The following EFNB2 variants were observed in gnomAD, a reference collection of about 807,000 sequenced individuals.
The protein encoded by EFNB2 is ephrin-B2.
EFNB2 carries 5 observed loss-of-function variants against 32.1 expected under a neutral mutation model. The ratio of observed to expected loss-of-function variants is 0.16; its 90% CI spans 0.08 to 0.33. The LOEUF (loss-of-function observed/expected upper bound fraction) is 0.33. Among genes scored for constraint, EFNB2 ranks in the 10% least tolerant of loss-of-function variants. EFNB2 has a pLI of 1.00. For missense variants in EFNB2, 263 were observed against 422.6 expected, an observed-to-expected ratio of 0.62 and a Z score of 3.31; for synonymous variants, 168 against 166.5, an observed-to-expected ratio of 1.01 and a Z score of -0.07.
At chr13:106,495,653 A>G in intron 3 of EFNB2, 95 bp downstream of exon 3, 2 of 1,179,522 alleles carry the variant, frequency 1.7e-6, no homozygotes, top group Non-Finnish European at 2.4e-6. Context: ...TAAAAAGAAG[A>G]GCGAATGAAG....
Position 106,504,339 on chromosome 13 carries a change from C to T in EFNB2, c.406+8190G>A, listed in dbSNP as rs535018037. Reference sequence around the variant, plus strand: ...TAGGCGGTGGGACTTCACCAGCGACCGAATTAATGTCTGCTGACAGTTTAG... The same window carrying T: ...TAGGCGGTGGGACTTCACCAGCGACTGAATTAATGTCTGCTGACAGTTTAG... On this transcript the variant is annotated intron_variant, in intron 2 of 4. Transcript: ENST00000646441. Among the ~76,000 whole-genome samples, 3 of 152,194 alleles carry T rather than the reference C, an allele frequency of 2.0e-5. No individual in the cohort carries two copies. In the South Asian group the frequency reaches 6.2e-4, roughly 32 times the overall value.
At position 106,493,117 on chromosome 13, in the gene EFNB2, C is replaced by T. The variant is rs530509657; in HGVS notation, c.925G>A (p.Gly309Arg). The T allele has an allele frequency of 2.9e-5, 46 of 1,614,014 alleles. No individual in the cohort carries two copies. The highest frequency in any genetic ancestry group is 1.1e-4 in the South Asian group (10 of 91,086). ...ATGTACACCGGGTGCCCGTAGTCCCCGCTGACCTTCTCGTAGTGAGGGCAG... is the reference window on the plus strand; with the variant it reads ...ATGTACACCGGGTGCCCGTAGTCCCTGCTGACCTTCTCGTAGTGAGGGCAG... Reference protein sequence around the residue: ...VFCPHYEKVSGDYGHPVYIVQ... With the variant: ...VFCPHYEKVSRDYGHPVYIVQ... Residue 309 changes from glycine to arginine, a missense_variant, in exon 5 of 5, where the codon GGG (glycine) becomes AGG (arginine). By Grantham distance (125) the Gly-to-Arg change is moderately radical. Transcript: ENST00000646441. This position sits in a 1 kb window ranked among gnomAD's most constrained non-coding sequence, Gnocchi z 6.1.
intron 3 of EFNB2, 25 bp from the exon 4 acceptor site, chr13:106,495,019 T>TTGTGTAATTAA (rs1218051080): frequency 3.2e-6 from 5 of 1,572,136 alleles, no homozygotes; most frequent in Non-Finnish European, 3.5e-6. Context: ...AATGATTAAT[T>TTGTGTAATTAA]ACGGCACAGA....
At position 106,493,437 on chromosome 13, in the gene EFNB2, G is replaced by A. The variant is rs749951442; in HGVS notation, c.614-9C>T. 1.2e-5 allele frequency: 19 copies of A among 1,600,980 alleles called. No individual in the cohort carries two copies. Among genetic ancestry groups the A allele is most frequent in the South Asian group, 4.5e-5 (4 of 89,552 alleles). ...GCCGTCTGTGCTAGAACCTGCAGACGCGGAGACAGAAAAGGTCAGAGATAG... is the reference window on the plus strand; with the variant it reads ...GCCGTCTGTGCTAGAACCTGCAGACACGGAGACAGAAAAGGTCAGAGATAG... On this transcript the variant is annotated splice_polypyrimidine_tract_variant and intron_variant, in intron 4 of 4. Transcript: ENST00000646441. This position sits in a 1 kb window ranked among gnomAD's most constrained non-coding sequence, Gnocchi z 6.1.
intron 2 of EFNB2, among the ~76,000 whole-genome samples, chr13:106,502,127 A>G (rs898548881): frequency 6.6e-6 from 1 of 152,246 alleles, no homozygotes; most frequent in Admixed American, 6.5e-5. Context: ...CCACATTGCT[A>G]TGGTTGTGTT....
intron 2 of EFNB2, among the ~76,000 whole-genome samples, chr13:106,502,288 T>G (rs972285810): frequency 6.6e-6 from 1 of 152,202 alleles, no homozygotes; most frequent in South Asian, 2.1e-4. Flanking sequence ...AGTTTAGAAC[T>G]CCCCTCCTCT....
At position 106,494,955 on chromosome 13, in the gene EFNB2, G is replaced by A. The variant is rs757424867; in HGVS notation, c.539C>T (p.Thr180Ile). The A allele has an allele frequency of 1.2e-6, 2 of 1,614,140 alleles. No homozygotes were observed. Among genetic ancestry groups the A allele is most frequent in the Non-Finnish European group, 1.7e-6 (2 of 1,180,004 alleles). The change falls in exon 4 of 5, where the codon ACA (threonine) becomes ATA (isoleucine). Residue 180 changes from threonine to isoleucine, a missense_variant. Thr to Ile is a moderately conservative substitution (Grantham distance 89, BLOSUM62 -1). This residue lies in a region of EFNB2 where 172 missense variants were observed against 237.1 expected (regional missense o/e 0.73). Coordinates refer to ENST00000646441, the MANE Select transcript of EFNB2 (RefSeq NM_004093.4). ...SAGSTRNKDPTRRPELEAGTN... is the reference protein window; with the variant it reads ...SAGSTRNKDPIRRPELEAGTN... ...ACCAGCTTCTAGTTCTGGACGTCTTGTTGGATCTTTATTCCTGGTTGATCC... is the reference window on the plus strand; with the variant it reads ...ACCAGCTTCTAGTTCTGGACGTCTTATTGGATCTTTATTCCTGGTTGATCC...
Position 106,493,026 on chromosome 13 carries a change from C to T in EFNB2, c.*14G>A, listed in dbSNP as rs752849130. ...GTGTCCTCTGGGAAAGCACAGGTAC[C>T]ACCAGGGTCCCTCTCAGACCTTGTA... On this transcript the variant is annotated 3_prime_UTR_variant, in exon 5 of 5. Coordinates refer to ENST00000646441, the MANE Select transcript of EFNB2 (RefSeq NM_004093.4). This position sits in a 1 kb window ranked among gnomAD's most constrained non-coding sequence, Gnocchi z 6.1. 5.6e-6 allele frequency: 9 copies of T among 1,593,248 alleles called. No homozygotes were observed. The Admixed American group carries it at 8.4e-5, about 15-fold the overall frequency.
intron 2 of EFNB2, among the ~76,000 whole-genome samples, chr13:106,498,370 G>C (rs1300009258): frequency 6.6e-6 from 1 of 152,182 alleles, no homozygotes; most frequent in Non-Finnish European, 1.5e-5. Flanking sequence ...AACTGCTGAT[G>C]ACTTCTGCTT....
Position 106,493,523 on chromosome 13 carries a change from C to A in EFNB2, c.614-95G>T. 6.8e-7 allele frequency: 1 copy of A among 1,478,068 alleles called. No homozygotes were observed. The highest frequency in any genetic ancestry group is 9.0e-7 in the Non-Finnish European group (1 of 1,111,058). The allele number at this position is 1,478,068 out of a possible 1,614,324, so 91.6% of individuals were successfully genotyped here. A position where few individuals can be genotyped will look rare whatever the true frequency, so the allele number is the denominator to read the frequency against. ...GACCCTTAAAAATGTGAAAAATAAG[C>A]CAGGCTTATTACTAACTAGAAGCTG... On this transcript the variant is annotated intron_variant, in intron 4 of 4. Transcript: ENST00000646441. This position sits in a 1 kb window ranked among gnomAD's most constrained non-coding sequence, Gnocchi z 6.1.
chr13:106,518,910 G>A lies in EFNB2; in HGVS notation c.123-6098C>T, dbSNP rs1379570333. 1.3e-5 allele frequency: 2 copies of A among 152,078 alleles called. No homozygotes were observed. The highest frequency in any genetic ancestry group is 6.6e-5 in the Admixed American group (1 of 15,258). 9.4% of individuals were successfully genotyped at this position (152,078 alleles called of 1,614,324 possible). A position where few individuals can be genotyped will look rare whatever the true frequency, so the allele number is the denominator to read the frequency against. ...ACCGAGAAGAAAACCCAAATCGCTGGGGGGCCACTTGATGCTGCTGTAGTC... is the reference window on the plus strand; with the variant it reads ...ACCGAGAAGAAAACCCAAATCGCTGAGGGGCCACTTGATGCTGCTGTAGTC... On this transcript the variant is annotated intron_variant, in intron 1 of 4. Transcript: ENST00000646441. This position sits in a 1 kb window ranked among gnomAD's most constrained non-coding sequence, Gnocchi z 4.1.
Position 106,491,240 on chromosome 13 carries a change from A to G in EFNB2, c.*1800T>C, listed in dbSNP as rs1878393274. 1 of 152,676 alleles carries G rather than the reference A, an allele frequency of 6.5e-6. No homozygotes were observed. Among genetic ancestry groups the G allele is most frequent in the African/African-American group, 2.4e-5 (1 of 41,450 alleles). The allele number at this position is 152,676 out of a possible 1,614,324, so 9.5% of individuals were successfully genotyped here. A position where few individuals can be genotyped will look rare whatever the true frequency, so the allele number is the denominator to read the frequency against. On this transcript the variant is annotated 3_prime_UTR_variant, in exon 5 of 5. Transcript: ENST00000646441. Reference sequence around the variant, plus strand: ...TCATTGTTAAATATATGATGCAGTCACATCGGCTTCCTGCTCTGTGGGGCT... The same window carrying G: ...TCATTGTTAAATATATGATGCAGTCGCATCGGCTTCCTGCTCTGTGGGGCT...
At position 106,495,723 on chromosome 13, in the gene EFNB2, T is replaced by A. The variant is rs1200251737; in HGVS notation, c.499+25A>T. 5 of 1,610,292 alleles carry A rather than the reference T, an allele frequency of 3.1e-6. No homozygotes were observed. The South Asian group carries it at 5.5e-5, about 18-fold the overall frequency. ...GGGGCTACACCAGGTCACAGTGGCG[T>A]CATGAAGCAGCAGATGGTCTTTACC... On this transcript the variant is annotated intron_variant, in intron 3 of 4. Transcript: ENST00000646441.
chr13:106,509,627 CTGTGTGTGTGTGTGTGTG>C (rs34068695), intron 2 of EFNB2, among the ~76,000 whole-genome samples: 139 of 142,664 alleles, frequency 9.7e-4, no homozygotes, highest in African/African-American at 3.3e-3. Context: ...CAGAGCTTGA[CTGTGTGTGTGTGTGTGTG>C]TGTGTGTGTG....
At chr13:106,506,869 G>A (rs1451205816) in intron 2 of EFNB2, among the ~76,000 whole-genome samples, 1 of 152,210 alleles carries the variant, frequency 6.6e-6, no homozygotes, top group Admixed American at 6.5e-5. Context: ...GACTGAGGCA[G>A]ACAGGGGTTA....
chr13:106,526,739 CCACT>C (rs1324323086), intron 1 of EFNB2, among the ~76,000 whole-genome samples: 3 of 152,050 alleles, frequency 2.0e-5, no homozygotes, highest in Non-Finnish European at 4.4e-5. Context: ...TTGCCTTGCC[CCACT>C]CACTCATGAG....
intron 2 of EFNB2, among the ~76,000 whole-genome samples, chr13:106,504,011 C>T (rs1263807828): frequency 1.3e-5 from 2 of 152,176 alleles, no homozygotes; most frequent in African/African-American, 4.8e-5. Context: ...GTGATAATAT[C>T]TAATGAAAAT....
At position 106,492,762 on chromosome 13, in the gene EFNB2, T is replaced by C. The variant is rs1878451420; in HGVS notation, c.*278A>G. 1 of 349,720 alleles carries C rather than the reference T, an allele frequency of 2.9e-6. No individual in the cohort carries two copies. The highest frequency in any genetic ancestry group is 5.3e-6 in the Non-Finnish European group (1 of 187,642). 21.7% of individuals were successfully genotyped at this position (349,720 alleles called of 1,614,324 possible). A position where few individuals can be genotyped will look rare whatever the true frequency, so the allele number is the denominator to read the frequency against. On this transcript the variant is annotated 3_prime_UTR_variant, in exon 5 of 5. Coordinates refer to ENST00000646441, the MANE Select transcript of EFNB2 (RefSeq NM_004093.4). The surrounding 1 kb of genome is among the most constrained non-coding windows in gnomAD (Gnocchi z 5.1). ...CAGAGGCCTGAGTGACCGCAGCACA[T>C]GGCTTCGAGGAGGAGACGTGGGACG...
At chr13:106,527,757 T>C (rs1010094598) in intron 1 of EFNB2, among the ~76,000 whole-genome samples, 26 of 152,260 alleles carry the variant, frequency 1.7e-4, no homozygotes, top group African/African-American at 6.3e-4. Flanking sequence ...TCCTCCTTCC[T>C]TATCTCTAAT....
Sources: allele counts gnomAD v4.1 joint callset (sites outside exome capture counted in the v4.1 genomes callset), GRCh38; gene constraint gnomAD v4.1.1; regional missense constraint gnomAD v4.1.1; non-coding constraint Gnocchi (gnomAD v3.1); transcripts MANE v1.5; gene names NCBI Gene and HGNC (gene_info 2026-07-23, HGNC 2026-07-21).